Variants in KHDRBS2 observed in about 807,000 individuals in gnomAD.
KHDRBS2 encodes the protein KH RNA binding domain containing, signal transduction associated 2, also known as KH domain-containing, RNA-binding, signal transduction-associated protein 2.
In KHDRBS2, 26 loss-of-function variants were observed where a neutral mutation model predicts 44.3. The ratio of observed to expected loss-of-function variants is 0.59; its 90% CI spans 0.43 to 0.81. KHDRBS2 has a LOEUF of 0.81. KHDRBS2 is among the 40% of genes least tolerant of loss of function. KHDRBS2 has a pLI of 0.00. For synonymous variants in KHDRBS2, 194 were observed against 151.1 expected (o/e 1.28, Z -2.08); for missense variants, 476 against 433.1 (o/e 1.10, Z -0.88).
chr6:61,844,352 C>T (rs561166444), intron 6 of KHDRBS2, among the ~76,000 whole-genome samples: 115 of 152,242 alleles, frequency 7.6e-4, no homozygotes, highest in African/African-American at 2.7e-3. Flanking sequence ...TACTGCTTTC[C>T]TATTAAAATT....
intron 6 of KHDRBS2, among the ~76,000 whole-genome samples, chr6:61,733,420 A>T (rs1257663061): frequency 6.6e-6 from 1 of 151,892 alleles, no homozygotes; most frequent in Non-Finnish European, 1.5e-5. Flanking sequence ...GTGAAACCCC[A>T]TCTCTACTAA....
the KHDRBS2 span, among the ~76,000 whole-genome samples, chr6:61,663,928 C>T: frequency 0.36 from 54,380 of 151,204 alleles, 10,503 homozygotes; most frequent in East Asian, 0.49. Flanking sequence ...AATGTACACT[C>T]ATGTAAAAAT....
At chr6:62,115,623 G>A (rs919197226) in intron 2 of KHDRBS2, among the ~76,000 whole-genome samples, 1 of 152,260 alleles carries the variant, frequency 6.6e-6, no homozygotes, top group South Asian at 2.1e-4. Context: ...TTCCGCAAAT[G>A]ATTGCTAAAG....
intron 1 of KHDRBS2, among the ~76,000 whole-genome samples, chr6:62,254,576 C>T (rs1016093988): frequency 2.6e-5 from 4 of 151,826 alleles, no homozygotes; most frequent in African/African-American, 9.7e-5. Flanking sequence ...AGATCTTTAT[C>T]AGAAAAGTAA....
intron 1 of KHDRBS2, among the ~76,000 whole-genome samples, chr6:62,226,496 C>A (rs1419789577): frequency 6.6e-6 from 1 of 152,146 alleles, no homozygotes; most frequent in Non-Finnish European, 1.5e-5. Flanking sequence ...CCTGTTCACT[C>A]TGATGATAGT....
intron 3 of KHDRBS2, among the ~76,000 whole-genome samples, chr6:61,984,131 G>A (rs1325029318): frequency 6.6e-6 from 1 of 152,054 alleles, no homozygotes; most frequent in Non-Finnish European, 1.5e-5. Context: ...TCCATGCTGT[G>A]CTCCAGAAAA....
intron 6 of KHDRBS2, among the ~76,000 whole-genome samples, chr6:61,738,003 A>C (rs895027116): frequency 6.6e-6 from 1 of 152,018 alleles, no homozygotes; most frequent in African/African-American, 2.4e-5. Flanking sequence ...CCTGAGATTT[A>C]AGGTGAATAT....
chr6:61,932,757 C>T (rs1282589401), intron 4 of KHDRBS2, among the ~76,000 whole-genome samples: 1 of 152,128 alleles, frequency 6.6e-6, no homozygotes. Context: ...CAGGCCACTG[C>T]ACTCCAGCCT....
intron 7 of KHDRBS2, among the ~76,000 whole-genome samples, chr6:61,719,955 A>AGT (rs1384603098): frequency 6.6e-6 from 1 of 151,818 alleles, no homozygotes; most frequent in African/African-American, 2.4e-5. Context: ...CAGTCCCCAG[A>AGT]GTGTGATGTT....
intron 1 of KHDRBS2, among the ~76,000 whole-genome samples, chr6:62,209,602 A>G (rs1182552611): frequency 6.6e-6 from 1 of 152,200 alleles, no homozygotes; most frequent in Non-Finnish European, 1.5e-5. Context: ...TGAAGGCTGC[A>G]AAGTATCGTT....
At chr6:62,084,956 A>C (rs1447802936) in intron 2 of KHDRBS2, among the ~76,000 whole-genome samples, 1 of 152,188 alleles carries the variant, frequency 6.6e-6, no homozygotes, top group African/African-American at 2.4e-5. Context: ...ATTAGTGTCC[A>C]CAAAAATAAT....
chr6:61,631,430 G>T, the KHDRBS2 span, among the ~76,000 whole-genome samples: 1 of 151,634 alleles, frequency 6.6e-6, no homozygotes, highest in Admixed American at 6.6e-5. Flanking sequence ...AAGGGGGAAG[G>T]GTTAGAAAAT....
the KHDRBS2 span, among the ~76,000 whole-genome samples, chr6:61,663,223 G>T: frequency 8.0e-6 from 1 of 124,498 alleles, no homozygotes; most frequent in African/African-American, 3.1e-5. Context: ...ACACAGGAAG[G>T]GGAACATCAC....
intron 7 of KHDRBS2, among the ~76,000 whole-genome samples, chr6:61,704,162 C>T (rs550363237): frequency 1.3e-5 from 2 of 151,776 alleles, no homozygotes; most frequent in Admixed American, 6.6e-5. Context: ...TTCATTATCC[C>T]TAACTATACA....
At chr6:62,262,435 C>A (rs1017145153) in intron 1 of KHDRBS2, among the ~76,000 whole-genome samples, 1 of 151,746 alleles carries the variant, frequency 6.6e-6, no homozygotes, top group African/African-American at 2.4e-5. Context: ...TCAGCCAAAC[C>A]ATTTGAGGTT....
At chr6:61,623,263 G>A in the KHDRBS2 span, among the ~76,000 whole-genome samples, 3 of 152,192 alleles carry the variant, frequency 2.0e-5, no homozygotes, top group South Asian at 4.1e-4. Flanking sequence ...GAGGAAGGAT[G>A]CTGTAACAAT....
At chr6:62,103,764 G>A (rs1316829194) in intron 2 of KHDRBS2, among the ~76,000 whole-genome samples, 8 of 152,164 alleles carry the variant, frequency 5.3e-5, no homozygotes, top group African/African-American at 1.7e-4. Context: ...CAGGCAGGCT[G>A]CTGCTGCCAT....
chr6:61,726,947 A>C (rs972966510), intron 7 of KHDRBS2, among the ~76,000 whole-genome samples: 1 of 152,200 alleles, frequency 6.6e-6, no homozygotes, highest in African/African-American at 2.4e-5. Flanking sequence ...GGAACCAAAA[A>C]AGAGCCTGAA....
the KHDRBS2 span, chr6:61,661,272 A>C: frequency 6.6e-6 from 1 of 151,830 alleles, no homozygotes; most frequent in Non-Finnish European, 1.5e-5. Context: ...AAATAGATGA[A>C]GGGACTCACC....
Sources: gnomAD v4.1 joint callset for allele counts (sites outside exome capture counted in the v4.1 genomes callset) on GRCh38, gnomAD v4.1.1 for gene constraint, MANE v1.5 for transcripts, NCBI Gene and HGNC (gene_info 2026-07-23, HGNC 2026-07-21) for gene names.